The following ZP1 variants were observed in gnomAD, a reference collection of about 807,000 sequenced individuals.
ZP1 encodes zona pellucida sperm-binding protein 1.
In ZP1, 58 loss-of-function variants were observed where a neutral mutation model predicts 67.4. That is an observed-to-expected ratio of 0.86 (90% CI 0.70 to 1.07). ZP1 has a LOEUF of 1.07. Among genes scored for constraint, ZP1 ranks in the 50% least tolerant of loss-of-function variants. The pLI, the probability that ZP1 is intolerant of heterozygous loss-of-function variation, is 0.00. For missense variants in ZP1, 759 were observed against 807.3 expected, an observed-to-expected ratio of 0.94 and a Z score of 0.72; for synonymous variants, 333 against 332.7, an observed-to-expected ratio of 1.00 and a Z score of -0.01.
Position 60,875,160 on chromosome 11 carries a change from C to T in ZP1, c.1686C>T (p.Asp562=), listed in dbSNP as rs112864814. Reference sequence around the variant, plus strand: ...GACGATCCTCAGGTCACCGTAATGACACTGCCAGGCCCCAGGACATCGTGA... The same window carrying T: ...GACGATCCTCAGGTCACCGTAATGATACTGCCAGGCCCCAGGACATCGTGA... ...RQRRSSGHRN[D]TARPQDIVSS... is the part of the protein sequence containing the mutation. Residue 562 remains aspartate, a synonymous_variant, in exon 11 of 12, where the codon GAC becomes GAT. Transcript: ENST00000278853. 4,981 of 1,613,932 alleles carry T rather than the reference C, an allele frequency of 3.1e-3. 120 individuals carry two copies. The African/African-American group carries it at 0.057, about 18-fold the overall frequency.
At chr11:60,873,921 G>C (rs1256722911) in intron 9 of ZP1, 146 bp downstream of exon 9, 1 of 1,127,464 alleles carries the variant, frequency 8.9e-7, no homozygotes, top group Admixed American at 2.5e-5. Context: ...GAAAGCAGCG[G>C]GCTTCGGGTC....
At chr11:60,868,044 T>TC (rs1408455238) in intron 1 of ZP1, among the ~76,000 whole-genome samples, 1 of 150,632 alleles carries the variant, frequency 6.6e-6, no homozygotes, top group East Asian at 1.9e-4. Flanking sequence ...CTTTTCTTTT[T>TC]TTTTTTTTTT....
chr11:60,867,850 G>A (rs1264272824), intron 1 of ZP1, 93 bp downstream of exon 1: 2 of 1,422,338 alleles, frequency 1.4e-6, no homozygotes, highest in East Asian at 2.5e-5. Context: ...AGCAAGAACA[G>A]AGGCCTCCCT....
At position 60,875,186 on chromosome 11, in the gene ZP1, G is replaced by A. The variant is rs750913853; in HGVS notation, c.1712G>A (p.Ser571Asn). The change falls in exon 11 of 12, where the codon AGC (serine) becomes AAC (asparagine). Residue 571 changes from serine to asparagine, a missense_variant. By Grantham distance (46) the Ser-to-Asn change is conservative. Transcript: ENST00000278853. Reference protein sequence around the residue: ...NDTARPQDIVSSPGPVGFEDS... With the variant: ...NDTARPQDIVNSPGPVGFEDS... ...ACTGCCAGGCCCCAGGACATCGTGAGCTCTCCGGGGCCAGTGGGCTTTGAG... is the reference window on the plus strand; with the variant it reads ...ACTGCCAGGCCCCAGGACATCGTGAACTCTCCGGGGCCAGTGGGCTTTGAG... The A allele has an allele frequency of 9.3e-6, 15 of 1,613,722 alleles. No homozygotes were observed. In the African/African-American group the frequency reaches 1.6e-4, roughly 17 times the overall value.
rs540349918 is a variant in ZP1, at chr11:60,871,345, C to T, written c.1112+31C>T. ...GGCAGCCCTCCTCCTACAGGCGTGG[C>T]TGTGTGCTAGGGTGTCAGGGGCACA... On this transcript the variant is annotated intron_variant, in intron 6 of 11. Coordinates refer to ENST00000278853, the MANE Select transcript of ZP1 (RefSeq NM_207341.4). 6.2e-6 allele frequency: 10 copies of T among 1,609,034 alleles called. No individual in the cohort carries two copies. The East Asian group carries it at 2.0e-4, about 32-fold the overall frequency.
At chr11:60,868,204 G>A (rs763981525) in intron 1 of ZP1, among the ~76,000 whole-genome samples, 7 of 152,056 alleles carry the variant, frequency 4.6e-5, no homozygotes, top group Non-Finnish European at 7.4e-5. Flanking sequence ...GTGCCACCAC[G>A]CCCAGCTACT....
At chr11:60,872,765 C>T (rs559927625) in intron 6 of ZP1, among the ~76,000 whole-genome samples, 2 of 152,272 alleles carry the variant, frequency 1.3e-5, no homozygotes, top group East Asian at 1.9e-4. Context: ...CCAGGTCTGT[C>T]GGGAGGCAGA....
Position 60,869,232 on chromosome 11 carries a change from C to A in ZP1, c.284C>A (p.Ser95Ter), listed in dbSNP as rs371328270. ...TSRPQEPAVF[S>*]ADYRGCHVLE... ...AGGCCGCAGGAGCCTGCAGTCTTCT[C>A]GGCCGATTACAGAGGCTGCCACGTG... The change falls in exon 2 of 12, where the codon TCG becomes TAG. Residue 95 changes from serine to a stop codon, truncating the protein, a stop_gained. Coordinates refer to ENST00000278853, the MANE Select transcript of ZP1 (RefSeq NM_207341.4). LOFTEE classifies it high-confidence loss of function. The A allele has an allele frequency of 6.2e-7, 1 of 1,614,196 alleles. No homozygotes were observed. The highest frequency in any genetic ancestry group is 1.1e-5 in the South Asian group (1 of 91,074).
At chr11:60,870,017 T>A in intron 3 of ZP1, 117 bp downstream of exon 3, 2 of 1,246,252 alleles carry the variant, frequency 1.6e-6, no homozygotes, top group Non-Finnish European at 2.1e-6. Flanking sequence ...TTTCTTTTTT[T>A]AGAAAAAGAT....
Position 60,873,458 on chromosome 11 carries a change from C to T in ZP1, c.1324C>T (p.Leu442Phe), listed in dbSNP as rs780240324. The change falls in exon 8 of 12, where the codon CTT becomes TTT. Residue 442 changes from leucine to phenylalanine, a missense_variant. Transcript: ENST00000278853. ...LREPVHVEVR[L>F]LQRTDPNLVL... ...AGAACCAGTCCATGTGGAGGTCCGG[C>T]TTCTGCAGAGGACAGACCCCAACCT... 1 of 1,613,686 alleles carries T rather than the reference C, an allele frequency of 6.2e-7. No homozygotes were observed. Among genetic ancestry groups the T allele is most frequent in the Non-Finnish European group, 8.5e-7 (1 of 1,179,786 alleles).
At chr11:60,873,058 G>C (rs948002401) in intron 6 of ZP1, 104 bp from the exon 7 acceptor site, 2 of 1,320,078 alleles carry the variant, frequency 1.5e-6, no homozygotes, top group Middle Eastern at 1.9e-4. Flanking sequence ...CTGCTGGACA[G>C]TACCCTATTT....
rs764650449 is a variant in ZP1 at position 60,870,375 on chromosome 11, C to T, written c.726C>T (p.His242=). 1 of 1,612,734 alleles carries T rather than the reference C, an allele frequency of 6.2e-7. No homozygotes were observed. The highest frequency in any genetic ancestry group is 8.5e-7 in the Non-Finnish European group (1 of 1,179,518). ...SQEQCQVASG[H]LPCIVRRTSK... ...AGCAGTGCCAGGTGGCCTCAGGGCA[C>T]CTCCCCTGCATCGTGAGAAGAACTT... Residue 242 remains histidine, a synonymous_variant, in exon 4 of 12, where the codon CAC becomes CAT. Transcript: ENST00000278853.
Position 60,871,236 on chromosome 11 carries a change from T to C in ZP1, c.1034T>C (p.Ile345Thr), listed in dbSNP as rs1855562718. 2 of 1,613,900 alleles carry C rather than the reference T, an allele frequency of 1.2e-6. No individual in the cohort carries two copies. The highest frequency in any genetic ancestry group is 1.7e-5 in the Admixed American group (1 of 60,012). Reference sequence around the variant, plus strand: ...CTACAGGTGGCTGGCGACCAGCTCATCTATGAGAACTGGCTGGTGTCTGGC... The same window carrying C: ...CTACAGGTGGCTGGCGACCAGCTCACCTATGAGAACTGGCTGGTGTCTGGC... ...TTMQVAGDQL[I>T]YENWLVSGIH... Residue 345 changes from isoleucine to threonine, a missense_variant, in exon 6 of 12, where the codon ATC becomes ACC. Transcript: ENST00000278853.
chr11:60,871,134 C>G lies in ZP1; in HGVS notation c.1004C>G (p.Thr335Ser), dbSNP rs1161355404. 1 of 1,614,034 alleles carries G rather than the reference C, an allele frequency of 6.2e-7. No individual in the cohort carries two copies. Among genetic ancestry groups the G allele is most frequent in the South Asian group, 1.1e-5 (1 of 91,076 alleles). ...TACTTCCCTCTCACCCACTGTGGAA[C>G]CACAATGCAGGTAGGAGCCGGGACC... The part of the protein sequence containing the change: ...VFYFPLTHCG[T>S]TMQVAGDQLI... Residue 335 changes from threonine (T) to serine (S), a missense_variant, in exon 5 of 12, where the codon ACC becomes AGC. By Grantham distance (58) the Thr-to-Ser change is moderately conservative. Transcript: ENST00000278853.
At position 60,869,282 on chromosome 11, in the gene ZP1, G is replaced by A. The variant is rs138795689; in HGVS notation, c.318+16G>A. The A allele has an allele frequency of 4.1e-5, 66 of 1,614,012 alleles. No homozygotes were observed. The highest frequency in any genetic ancestry group is 5.3e-5 in the Non-Finnish European group (63 of 1,179,934). ...GCTGGAGAAGGTAGGGGTTGTTCATGCTCTGGCACAGGGGCAAGCTTGTCC... is the reference window on the plus strand; with the variant it reads ...GCTGGAGAAGGTAGGGGTTGTTCATACTCTGGCACAGGGGCAAGCTTGTCC... On this transcript the variant is annotated intron_variant, in intron 2 of 11. Coordinates refer to ENST00000278853, the MANE Select transcript of ZP1 (RefSeq NM_207341.4).
intron 7 of ZP1, 34 bp from the exon 8 acceptor site, chr11:60,873,341 G>A: frequency 6.3e-7 from 1 of 1,590,894 alleles, no homozygotes; most frequent in South Asian, 1.1e-5. Context: ...CTGATGCACA[G>A]CCCGCCCTGG....
rs746963432 is a variant in ZP1 at position 60,870,294 on chromosome 11, T to C, written c.683-38T>C. The C allele has an allele frequency of 5.4e-6, 8 of 1,486,162 alleles. No homozygotes were observed. The South Asian group carries it at 1.1e-4, about 21-fold the overall frequency. The allele number at this position is 1,486,162 out of a possible 1,614,324, so 92.1% of individuals were successfully genotyped here. A position where few individuals can be genotyped will look rare whatever the true frequency, so the allele number is the denominator to read the frequency against. ...AATTCCAGGGCCATGATTTGCAAAC[T>C]GTGTGCCTTCAGCCTCATCACTCTG... On this transcript the variant is annotated intron_variant, in intron 3 of 11. Coordinates refer to ENST00000278853, the MANE Select transcript of ZP1 (RefSeq NM_207341.4).
intron 6 of ZP1, among the ~76,000 whole-genome samples, chr11:60,871,926 C>T (rs111836114): frequency 0.012 from 1,803 of 152,320 alleles, 37 homozygotes; most frequent in African/African-American, 0.041. Context: ...GGGCAAAGCA[C>T]CTAACCTTCA....
At chr11:60,869,338 A>G (rs1855523466) in intron 2 of ZP1, 72 bp downstream of exon 2, 1 of 1,589,848 alleles carries the variant, frequency 6.3e-7, no homozygotes, top group East Asian at 2.2e-5. Context: ...GAGGCCCCTC[A>G]TGAACCAGAA....
Sources: gnomAD v4.1 joint callset for allele counts (sites outside exome capture counted in the v4.1 genomes callset) on GRCh38, gnomAD v4.1.1 for gene constraint, MANE v1.5 for transcripts, NCBI Gene and HGNC (gene_info 2026-07-23, HGNC 2026-07-21) for gene names.